FCGR2A: variants seen among roughly 807,000 people sequenced by gnomAD.
FCGR2A encodes low affinity immunoglobulin gamma Fc region receptor II-a.
In FCGR2A, 18 loss-of-function variants were observed where a neutral mutation model predicts 29.3. The ratio of observed to expected loss-of-function variants is 0.62; its 90% CI spans 0.43 to 0.91. FCGR2A has a LOEUF of 0.91. Among genes scored for constraint, FCGR2A ranks in the 40% least tolerant of loss-of-function variants. The probability of loss-of-function intolerance (pLI) is 0.00; values close to 1 mark genes in which losing one functional copy is unlikely to be tolerated. For missense variants in FCGR2A, 287 were observed against 393.0 expected (o/e 0.73, Z 2.28); for synonymous variants, 126 against 144.8 (o/e 0.87, Z 0.93).
downstream of FCGR2A, among the ~76,000 whole-genome samples, chr1:161,522,135 A>C (rs948456107): frequency 6.6e-6 from 1 of 152,110 alleles, no homozygotes; most frequent in African/African-American, 2.4e-5. Context: ...CACGAGTTCA[A>C]GGCTGCAGTG....
At chr1:161,509,797 C>G in intron 3 of FCGR2A, 23 bp from the exon 4 acceptor site, 1 of 1,613,082 alleles carries the variant, frequency 6.2e-7, no homozygotes. Flanking sequence ...ACAACTTTTT[C>G]TTATCATATT....
intron 3 of FCGR2A, 42 bp from the exon 4 acceptor site, chr1:161,509,778 T>C: frequency 6.2e-7 from 1 of 1,612,106 alleles, no homozygotes; most frequent in Non-Finnish European, 8.5e-7. Context: ...ACCCTTGGAA[T>C]CTATCCTTAC....
At chr1:161,505,651 C>T in intron 1 of FCGR2A, 99 bp downstream of exon 1, 1 of 976,496 alleles carries the variant, frequency 1.0e-6, no homozygotes, top group South Asian at 1.3e-5. Context: ...GCCCTGGAAG[C>T]AGGGGATAGA....
chr1:161,513,176 A>G (rs1675921390), intron 5 of FCGR2A: 1 of 150,990 alleles, frequency 6.6e-6, no homozygotes, highest in Non-Finnish European at 1.5e-5. Context: ...GAGAAATGCC[A>G]CTTTGCAAAT....
rs758777816 is a variant in FCGR2A, at chr1:161,506,425, C to A, written c.198C>A (p.Arg66=). The change falls in exon 3 of 7, where the codon CGC becomes CGA. Residue 66 remains arginine (R), a synonymous_variant. Transcript: ENST00000271450. ...TGACTCTGACATGCCAGGGGGCTCG[C>A]AGCCCTGAGAGCGACTCCATTCAGT... ...DSVTLTCQGA[R]SPESDSIQWF... 2.5e-5 allele frequency: 40 copies of A among 1,614,110 alleles called. No homozygotes were observed. Among genetic ancestry groups the A allele is most frequent in the Non-Finnish European group, 3.3e-5 (39 of 1,180,054 alleles).
chr1:161,518,809 G>A lies in FCGR2A; in HGVS notation c.*661G>A, dbSNP rs1676307250. Reference sequence around the variant, plus strand: ...TTTTTTATTTTTTTTTTTTAGTAGAGACAGGGTTTCGCAATGTTGGCCAGG... The same window carrying A: ...TTTTTTATTTTTTTTTTTTAGTAGAAACAGGGTTTCGCAATGTTGGCCAGG... On this transcript the variant is annotated 3_prime_UTR_variant, in exon 7 of 7. Coordinates refer to ENST00000271450, the MANE Select transcript of FCGR2A (RefSeq NM_001136219.3). 1 of 156,310 alleles carries A rather than the reference G, an allele frequency of 6.4e-6. No individual in the cohort carries two copies. Among genetic ancestry groups the A allele is most frequent in the African/African-American group, 2.4e-5 (1 of 41,350 alleles). 9.7% of individuals were successfully genotyped at this position (156,310 alleles called of 1,614,324 possible). A position where few individuals can be genotyped will look rare whatever the true frequency, so the allele number is the denominator to read the frequency against.
At chr1:161,510,138 ATGG>A in intron 4 of FCGR2A, 64 bp downstream of exon 4, 1 of 1,594,786 alleles carries the variant, frequency 6.3e-7, no homozygotes, top group Non-Finnish European at 8.6e-7. Flanking sequence ...CTGAGGTCAC[ATGG>A]GCCTACATGG....
chr1:161,506,975 G>C (rs947234649), intron 3 of FCGR2A, among the ~76,000 whole-genome samples: 6 of 152,180 alleles, frequency 3.9e-5, no homozygotes, highest in African/African-American at 1.4e-4. Context: ...TCTAAGGCAG[G>C]AGGCTGCCAG....
At chr1:161,523,567 C>G (rs1465189997), downstream of FCGR2A, 2 of 152,004 alleles carry the variant, frequency 1.3e-5, 1 homozygote, top group Non-Finnish European at 2.9e-5. Context: ...CGAGGCTCCT[C>G]GGGGATACAA....
At chr1:161,510,692 G>T in intron 4 of FCGR2A, 142 bp from the exon 5 acceptor site, 1 of 1,111,756 alleles carries the variant, frequency 9.0e-7, no homozygotes. Flanking sequence ...ATCTTGCATT[G>T]GTGAGTGACT....
intron 4 of FCGR2A, chr1:161,510,483 ATAGAG>A (rs1675697510): frequency 2.2e-6 from 1 of 450,020 alleles, no homozygotes; most frequent in East Asian, 4.3e-5. Flanking sequence ...GCTGTGCTCC[ATAGAG>A]TAATGATGCC....
At chr1:161,507,849 G>T (rs554217063) in intron 3 of FCGR2A, among the ~76,000 whole-genome samples, 1 of 152,294 alleles carries the variant, frequency 6.6e-6, no homozygotes, top group South Asian at 2.1e-4. Flanking sequence ...CACTTTGGGA[G>T]GCTGAGGCAG....
chr1:161,514,380 C>CT (rs1425016304), intron 6 of FCGR2A, among the ~76,000 whole-genome samples: 1 of 150,200 alleles, frequency 6.7e-6, no homozygotes, highest in Non-Finnish European at 1.5e-5. Flanking sequence ...CATTAGACCT[C>CT]TTTTGGTTTG....
At chr1:161,522,574 G>A (rs1015765616), downstream of FCGR2A, among the ~76,000 whole-genome samples, 7 of 152,168 alleles carry the variant, frequency 4.6e-5, no homozygotes, top group East Asian at 5.8e-4. Context: ...GTGAAGACCC[G>A]TCTCTTGCAG....
chr1:161,517,903 C>G, intron 6 of FCGR2A, 72 bp from the exon 7 acceptor site: 2 of 935,122 alleles, frequency 2.1e-6, no homozygotes, highest in Non-Finnish European at 3.3e-6. Flanking sequence ...GGCTATTATT[C>G]TCCTTATAGT....
chr1:161,506,567 C>G lies in FCGR2A; in HGVS notation c.340C>G (p.Pro114Ala). Residue 114 changes from proline to alanine, a missense_variant, in exon 3 of 7, where the codon CCT (proline) becomes GCT (alanine). By Grantham distance (27) the Pro-to-Ala change is conservative (BLOSUM62 -1). Coordinates refer to ENST00000271450, the MANE Select transcript of FCGR2A (RefSeq NM_001136219.3). ...CQTGQTSLSD[P>A]VHLTVLSEWL... ...GACTGGCCAGACCAGCCTCAGCGAC[C>G]CTGTGCATCTGACTGTGCTTTCCGG... 1 of 1,614,168 alleles carries G rather than the reference C, an allele frequency of 6.2e-7. No individual in the cohort carries two copies. The highest frequency in any genetic ancestry group is 8.5e-7 in the Non-Finnish European group (1 of 1,180,004).
At chr1:161,505,907 C>G (rs926694772) in intron 1 of FCGR2A, 80 bp from the exon 2 acceptor site, 8 of 1,408,750 alleles carry the variant, frequency 5.7e-6, no homozygotes, top group Non-Finnish European at 8.1e-6. Flanking sequence ...AAGCTCACCT[C>G]CCCAGCATTT....
intron 3 of FCGR2A, among the ~76,000 whole-genome samples, chr1:161,508,512 G>C (rs1675565788): frequency 6.6e-6 from 1 of 151,398 alleles, no homozygotes; most frequent in Non-Finnish European, 1.5e-5. Context: ...GCTTGAACTT[G>C]GGAGGTGGAG....
chr1:161,505,643 C>T, intron 1 of FCGR2A, 91 bp downstream of exon 1: 1 of 1,059,600 alleles, frequency 9.4e-7, no homozygotes, highest in Non-Finnish European at 1.5e-6. Flanking sequence ...AGGCCTGGGC[C>T]CTGGAAGCAG....
Sources: allele counts gnomAD v4.1 joint callset (sites outside exome capture counted in the v4.1 genomes callset), GRCh38; gene constraint gnomAD v4.1.1; transcripts MANE v1.5; gene names NCBI Gene and HGNC (gene_info 2026-07-23, HGNC 2026-07-21).